Variants in MMP26 observed in about 807,000 individuals in gnomAD.
The protein encoded by MMP26 is matrix metallopeptidase 26, also known as matrix metalloproteinase-26.
MMP26 carries 33 observed loss-of-function variants against 31.0 expected under a neutral mutation model. The observed-to-expected ratio is 1.06, with a 90% CI of 0.81 to 1.42. The LOEUF is 1.42. MMP26 is among the 40% of genes most tolerant of loss of function. MMP26 has a pLI of 0.00. For missense variants in MMP26, 347 were observed against 316.1 expected (o/e 1.10, Z -0.74); for synonymous variants, 122 against 114.9 (o/e 1.06, Z -0.40).
At chr11:4,711,086 T>C (rs2133265617) in intron 1 of MMP26, 1 of 152,488 alleles carries the variant, frequency 6.6e-6, no homozygotes, top group East Asian at 1.9e-4. Flanking sequence ...TGTCTAAATA[T>C]ATGTCTAAAG....
chr11:4,815,000 A>G (rs1281827616), intron 2 of MMP26, among the ~76,000 whole-genome samples: 2 of 152,226 alleles, frequency 1.3e-5, no homozygotes, highest in African/African-American at 4.8e-5. Flanking sequence ...GGCATGAGAC[A>G]TCAATCAATA....
chr11:4,929,812 C>T (rs964390421), intron 2 of MMP26, among the ~76,000 whole-genome samples: 2 of 152,016 alleles, frequency 1.3e-5, no homozygotes, highest in African/African-American at 2.4e-5. Flanking sequence ...TTTTCTCTGT[C>T]AAGTTTTATT....
intron 2 of MMP26, chr11:4,804,673 G>C: frequency 2.1e-6 from 1 of 477,336 alleles, no homozygotes. Flanking sequence ...GACCAGGTGT[G>C]GTGGCTTACA....
intron 2 of MMP26, among the ~76,000 whole-genome samples, chr11:4,795,843 GGAGAGAGAGA>G (rs142600384): frequency 3.5e-5 from 5 of 142,174 alleles, no homozygotes; most frequent in South Asian, 2.3e-4. Context: ...AGAGAGAGAG[GGAGAGAGAGA>G]GAGAGAGAGA....
At chr11:4,775,618 G>A (rs1403981978) in intron 2 of MMP26, among the ~76,000 whole-genome samples, 2 of 152,088 alleles carry the variant, frequency 1.3e-5, no homozygotes, top group African/African-American at 4.8e-5. Context: ...GGTTCTGCAG[G>A]CTGTACAGAA....
chr11:4,871,156 A>G (rs1204017329), intron 2 of MMP26, among the ~76,000 whole-genome samples: 1 of 152,120 alleles, frequency 6.6e-6, no homozygotes, highest in Non-Finnish European at 1.5e-5. Context: ...GTAAGAGGAC[A>G]CATTTTTGCT....
intron 2 of MMP26, chr11:4,803,591 T>G (rs1849214486): frequency 6.2e-7 from 1 of 1,612,078 alleles, no homozygotes; most frequent in African/African-American, 1.3e-5. Flanking sequence ...AAGCGGTAGG[T>G]GAGGAAAGAA....
chr11:4,902,319 T>C (rs542570113), intron 2 of MMP26, among the ~76,000 whole-genome samples: 17 of 152,188 alleles, frequency 1.1e-4, no homozygotes, highest in African/African-American at 3.4e-4. Flanking sequence ...GAATTTCTTA[T>C]TGGCAATCTG....
intron 1 of MMP26, among the ~76,000 whole-genome samples, chr11:4,738,181 T>C (rs1848266898): frequency 6.6e-6 from 1 of 152,280 alleles, no homozygotes; most frequent in Admixed American, 6.5e-5. Flanking sequence ...AGCATTCATG[T>C]TTGCCACCTT....
chr11:4,990,768 A>G, intron 5 of MMP26, 22 bp downstream of exon 5: 1 of 1,613,570 alleles, frequency 6.2e-7, no homozygotes. Flanking sequence ...ACATGGGAAG[A>G]AGGATATGTA....
In MMP26 at chr11:4,987,062, A is replaced by G. The variant is rs575196353; in HGVS notation, c.-144-1006A>G. Among the ~76,000 whole-genome samples, 21 of 144,214 alleles carry G rather than the reference A, an allele frequency of 1.5e-4. No individual in the cohort carries two copies. The South Asian group carries it at 4.2e-3, about 29-fold the overall frequency. The allele number at this position is 144,214 out of a possible 152,430, so 94.6% of individuals were successfully genotyped here. On this transcript the variant is annotated intron_variant, in intron 2 of 7. Coordinates refer to ENST00000380390, the MANE Select transcript of MMP26 (RefSeq NM_021801.5). ...TGCTCGGCTACTTTTTTGTATTTTT[A>G]GTAGACATGGAGTTTCACCACGTTG...
intron 2 of MMP26, among the ~76,000 whole-genome samples, chr11:4,935,460 CTTAAGGAGA>C (rs949361777): frequency 1.3e-4 from 19 of 150,628 alleles, no homozygotes; most frequent in Non-Finnish European, 2.7e-4. Flanking sequence ...TGCTTATCAG[CTTAAGGAGA>C]TTTTGGGCTG....
chr11:4,764,290 C>T (rs757752458), intron 1 of MMP26, among the ~76,000 whole-genome samples: 8 of 152,068 alleles, frequency 5.3e-5, no homozygotes, highest in Admixed American at 6.5e-5. Flanking sequence ...GGATAATGAC[C>T]ATTGCTTTAA....
intron 2 of MMP26, chr11:4,859,723 T>A: frequency 2.1e-6 from 1 of 471,122 alleles, no homozygotes. Context: ...TAGGTATATA[T>A]CAGCCATGAC....
At chr11:4,931,614 T>C (rs1320445870) in intron 2 of MMP26, among the ~76,000 whole-genome samples, 1 of 152,098 alleles carries the variant, frequency 6.6e-6, no homozygotes, top group African/African-American at 2.4e-5. Flanking sequence ...ATGTAACACT[T>C]AACATGCTAT....
chr11:4,720,974 G>T lies in MMP26; in HGVS notation c.-217+15929G>T, dbSNP rs149779637. Among the ~76,000 whole-genome samples, 956 of 152,272 alleles carry T rather than the reference G, an allele frequency of 6.3e-3. 9 individuals are homozygous for T. The highest frequency in any genetic ancestry group is 0.021 in the African/African-American group (886 of 41,542). The stretch of plus-strand genomic sequence containing the variant: ...ACTAGAAACTGGAACCAATGCATCT[G>T]GGCAAAGAACTATTGCTGTGATGGC... On this transcript the variant is annotated intron_variant, in intron 1 of 7. Transcript: ENST00000380390.
Position 4,784,404 on chromosome 11 carries a change from C to T in MMP26, c.-145+17063C>T, listed in dbSNP as rs886259993. 2.0e-5 allele frequency among the ~76,000 whole-genome samples: 3 copies of T among 152,182 alleles called. No individual in the cohort carries two copies. The East Asian group carries it at 5.8e-4, about 29-fold the overall frequency. On this transcript the variant is annotated intron_variant, in intron 2 of 7. Coordinates refer to ENST00000380390, the MANE Select transcript of MMP26 (RefSeq NM_021801.5). ...ATGCCCAAGTTGTAATCTTTGGTAC[C>T]TGTGAATATAACCTTGTTTGGAAAA...
chr11:4,916,740 C>G (rs1390705774), intron 2 of MMP26, among the ~76,000 whole-genome samples: 1 of 152,154 alleles, frequency 6.6e-6, no homozygotes, highest in Non-Finnish European at 1.5e-5. Context: ...TTTCTGACTG[C>G]TAGAGTAAGA....
At chr11:4,895,908 C>T (rs1347731380) in intron 2 of MMP26, among the ~76,000 whole-genome samples, 1 of 152,168 alleles carries the variant, frequency 6.6e-6, no homozygotes, top group Admixed American at 6.5e-5. Context: ...CACAGTGAGA[C>T]CCCGTCTTGG....
Sources: gnomAD v4.1 joint callset for allele counts (sites outside exome capture counted in the v4.1 genomes callset) on GRCh38, gnomAD v4.1.1 for gene constraint, MANE v1.5 for transcripts, NCBI Gene and HGNC (gene_info 2026-07-23, HGNC 2026-07-21) for gene names.